The following PRKN variants were observed in gnomAD, a reference collection of about 807,000 sequenced individuals.
The protein encoded by PRKN is E3 ubiquitin-protein ligase parkin.
In PRKN, 56 loss-of-function variants were observed where a neutral mutation model predicts 59.5. The ratio of observed to expected loss-of-function variants is 0.94; its 90% confidence interval spans 0.76 to 1.18. The LOEUF (loss-of-function observed/expected upper bound fraction) is 1.18, where lower values mean the gene tolerates loss of function less well. Ranked by LOEUF, PRKN falls within the 50% of genes most tolerant of loss-of-function variation. The pLI, the probability that PRKN is intolerant of heterozygous loss-of-function variation, is 0.00. For missense variants in PRKN, 657 were observed against 596.4 expected, an observed-to-expected ratio of 1.10 and a Z score of -1.06; for synonymous variants, 250 against 222.1, an observed-to-expected ratio of 1.13 and a Z score of -1.12.
chr6:162,685,724 T>C (rs1029386300), intron 1 of PRKN, among the ~76,000 whole-genome samples: 34 of 152,342 alleles, frequency 2.2e-4, no homozygotes, highest in African/African-American at 7.5e-4. Context: ...TCTAGCTATG[T>C]TCTTTCCTGA....
chr6:161,993,397 A>T (rs1469193610), intron 5 of PRKN, among the ~76,000 whole-genome samples: 2 of 152,180 alleles, frequency 1.3e-5, no homozygotes, highest in Non-Finnish European at 2.9e-5. Context: ...AGAATGAAGT[A>T]GGAAGAAAGA....
intron 4 of PRKN, among the ~76,000 whole-genome samples, chr6:162,175,149 CTTG>C (rs1349367266): frequency 2.0e-5 from 3 of 152,320 alleles, no homozygotes; most frequent in African/African-American, 7.2e-5. Flanking sequence ...TCTTGTACAC[CTTG>C]TTGTCTTATA....
intron 7 of PRKN, among the ~76,000 whole-genome samples, chr6:161,732,400 G>A (rs1194567279): frequency 6.6e-6 from 1 of 151,840 alleles, no homozygotes; most frequent in Non-Finnish European, 1.5e-5. Flanking sequence ...TCCATGCTCA[G>A]GTAGGCTCCA....
chr6:162,274,324 C>T (rs976080698), intron 2 of PRKN, among the ~76,000 whole-genome samples: 19 of 151,924 alleles, frequency 1.3e-4, no homozygotes, highest in Non-Finnish European at 2.1e-4. Flanking sequence ...GTAGCTGGGA[C>T]AACTGGAATG....
At position 162,224,388 on chromosome 6, in the gene PRKN, TAC is replaced by T. The variant is rs144163380; in HGVS notation, c.413-23138_413-23137del. Among the ~76,000 whole-genome samples, 304 of 152,260 alleles carry T rather than the reference TAC, an allele frequency of 2.0e-3. 1 individual carries two copies. The highest frequency in any genetic ancestry group is 7.1e-3 in the African/African-American group (296 of 41,564). On this transcript the variant is annotated intron_variant, in intron 3 of 11. Coordinates refer to ENST00000366898, the MANE Select transcript of PRKN (RefSeq NM_004562.3). ...GTTTGCAGCCTAAGAGCAACAGCTG[TAC>T]CATGTAGCCTAGGTGTGTGCGAGGC...
At chr6:162,579,418 A>G (rs1394244041) in intron 1 of PRKN, among the ~76,000 whole-genome samples, 1 of 151,014 alleles carries the variant, frequency 6.6e-6, no homozygotes, top group Non-Finnish European at 1.5e-5. Flanking sequence ...AAGTTCATGC[A>G]CACACACACA....
intron 1 of PRKN, among the ~76,000 whole-genome samples, chr6:162,715,710 G>C (rs1584105807): frequency 6.6e-6 from 1 of 152,190 alleles, no homozygotes; most frequent in East Asian, 1.9e-4. Context: ...CTCCAGTATG[G>C]CATGGAAAAC....
chr6:161,509,078 AG>A (rs1183378609), intron 9 of PRKN, among the ~76,000 whole-genome samples: 1 of 152,200 alleles, frequency 6.6e-6, no homozygotes, highest in Non-Finnish European at 1.5e-5. Flanking sequence ...TCCTGACCTC[AG>A]GTGATCCGCC....
At chr6:161,817,824 C>T (rs558239006) in intron 6 of PRKN, among the ~76,000 whole-genome samples, 1 of 152,156 alleles carries the variant, frequency 6.6e-6, no homozygotes, top group Non-Finnish European at 1.5e-5. Flanking sequence ...TAAATTTCCT[C>T]AACCCAATAT....
At chr6:162,407,866 C>T (rs1281382137) in intron 2 of PRKN, among the ~76,000 whole-genome samples, 1 of 151,670 alleles carries the variant, frequency 6.6e-6, no homozygotes, top group African/African-American at 2.4e-5. Context: ...AGAAATGTAA[C>T]TTGGTTAAAC....
rs1199765110 is a variant in PRKN, at chr6:161,468,594, T to C, written c.1083+80260A>G. 6.6e-6 allele frequency among the ~76,000 whole-genome samples: 1 copy of C among 152,214 alleles called. No homozygotes were observed. The highest frequency in any genetic ancestry group is 6.5e-5 in the Admixed American group (1 of 15,282). On this transcript the variant is annotated intron_variant, in intron 9 of 11. Coordinates refer to ENST00000366898, the MANE Select transcript of PRKN (RefSeq NM_004562.3). The surrounding 1 kb of genome is among the most constrained non-coding windows in gnomAD (Gnocchi z 5.9). Reference sequence around the variant, plus strand: ...CAATGTCGTCTGCTATTATTTCAAATACTCATATTTCAGGAAGGCTCAGAT... The same window carrying C: ...CAATGTCGTCTGCTATTATTTCAAACACTCATATTTCAGGAAGGCTCAGAT...
chr6:161,485,594 G>A (rs1396801128), intron 9 of PRKN, among the ~76,000 whole-genome samples: 1 of 152,130 alleles, frequency 6.6e-6, no homozygotes, highest in Non-Finnish European at 1.5e-5. Flanking sequence ...GGAATACGAA[G>A]ATGTTTCTAA....
intron 7 of PRKN, among the ~76,000 whole-genome samples, chr6:161,778,631 G>A (rs772411508): frequency 9.9e-5 from 15 of 152,098 alleles, no homozygotes; most frequent in African/African-American, 2.2e-4. Context: ...GATTCCATAC[G>A]TCAAAGACAA....
rs914343968 is a variant in PRKN, at chr6:161,467,034, C to A, written c.1084-80157G>T. On this transcript the variant is annotated intron_variant, in intron 9 of 11. Transcript: ENST00000366898. The surrounding 1 kb of genome is among the most constrained non-coding windows in gnomAD (Gnocchi z 4.3). ...CAACTTCTCTCTGCAGAATGTTCTA[C>A]ATCCCAGAAACCAGGATTGTTTGCC... Among the ~76,000 whole-genome samples, 1 of 152,224 alleles carries A rather than the reference C, an allele frequency of 6.6e-6. No homozygotes were observed. The highest frequency in any genetic ancestry group is 2.4e-5 in the African/African-American group (1 of 41,474).
intron 7 of PRKN, among the ~76,000 whole-genome samples, chr6:161,702,853 G>A (rs1293064299): frequency 6.6e-6 from 1 of 152,078 alleles, no homozygotes; most frequent in African/African-American, 2.4e-5. Flanking sequence ...AAAAGCATGA[G>A]CCATAGAAAT....
intron 1 of PRKN, among the ~76,000 whole-genome samples, chr6:162,473,337 C>T (rs1428434392): frequency 1.3e-5 from 2 of 152,172 alleles, no homozygotes; most frequent in African/African-American, 4.8e-5. Flanking sequence ...GGAAAAACTA[C>T]TGGCTTCAGA....
chr6:161,825,495 C>T (rs1792206388), intron 6 of PRKN, among the ~76,000 whole-genome samples: 2 of 152,134 alleles, frequency 1.3e-5, no homozygotes, highest in Admixed American at 6.5e-5. Context: ...TGGCCATGTC[C>T]CTTTCCAGGA....
intron 6 of PRKN, among the ~76,000 whole-genome samples, chr6:161,972,410 G>C (rs1224577312): frequency 6.6e-6 from 1 of 152,158 alleles, no homozygotes; most frequent in East Asian, 1.9e-4. Context: ...AAAGTGTAGA[G>C]TAAGGAATTG....
At chr6:161,761,903 G>A (rs1057158674) in intron 7 of PRKN, among the ~76,000 whole-genome samples, 19 of 152,224 alleles carry the variant, frequency 1.2e-4, no homozygotes, top group African/African-American at 4.6e-4. Flanking sequence ...ATTAGGTAGT[G>A]ATTCCAGAAT....
Sources: gnomAD v4.1 joint callset for allele counts (sites outside exome capture counted in the v4.1 genomes callset) on GRCh38, gnomAD v4.1.1 for gene constraint, Gnocchi (gnomAD v3.1) non-coding constraint, MANE v1.5 for transcripts, NCBI Gene and HGNC (gene_info 2026-07-23, HGNC 2026-07-21) for gene names.